PARP8: variants seen among roughly 807,000 people sequenced by gnomAD.
The protein encoded by PARP8 is protein mono-ADP-ribosyltransferase PARP8.
A neutral mutation model predicts 124.1 loss-of-function variants in PARP8; 51 were observed. The ratio of observed to expected loss-of-function variants is 0.41; its 90% CI spans 0.33 to 0.52. The LOEUF is 0.52. PARP8 is among the 20% of genes least tolerant of loss of function. The pLI, the probability that PARP8 is intolerant of heterozygous loss-of-function variation, is 0.21. For missense variants in PARP8, 860 were observed against 1,018.9 expected, an observed-to-expected ratio of 0.84 and a Z score of 2.12; for synonymous variants, 391 against 361.5, an observed-to-expected ratio of 1.08 and a Z score of -0.93.
At chr5:50,791,519 A>T (rs1361255123) in intron 10 of PARP8, among the ~76,000 whole-genome samples, 2 of 152,182 alleles carry the variant, frequency 1.3e-5, no homozygotes, top group Non-Finnish European at 2.9e-5. Flanking sequence ...TTTGGCATTG[A>T]ATGAATATTG....
chr5:50,826,773 A>C lies in PARP8; in HGVS notation c.1947A>C (p.Arg649Ser). Residue 649 changes from arginine (R) to serine (S), a missense_variant, in exon 19 of 26, where the codon AGA becomes AGC. By Grantham distance (110) the Arg-to-Ser change is moderately radical. This residue lies in a region of PARP8 where 343 missense variants were observed against 474.7 expected (regional missense o/e 0.72). Transcript: ENST00000281631. ...PLLQWVISSN[R>S]SHIVKLPVNR... is the part of the protein sequence containing the mutation. ...ATTTCAGGGTTATATCAAGTAATAG[A>C]TCACATATTGTGAAACTGCCAGTTA... is the stretch of plus-strand genomic sequence containing the variant. 6.3e-7 allele frequency: 1 copy of C among 1,589,912 alleles called. No homozygotes were observed. Among genetic ancestry groups the C allele is most frequent in the Non-Finnish European group, 8.5e-7 (1 of 1,172,328 alleles).
intron 2 of PARP8, among the ~76,000 whole-genome samples, chr5:50,730,675 T>C (rs1179274187): frequency 6.6e-6 from 1 of 152,244 alleles, no homozygotes; most frequent in Non-Finnish European, 1.5e-5. Flanking sequence ...GAATGTATTA[T>C]GTGCTAATAT....
chr5:50,796,951 T>A (rs184558955), intron 12 of PARP8, 31 bp from the exon 13 acceptor site: 13 of 1,576,910 alleles, frequency 8.2e-6, no homozygotes, highest in South Asian at 1.2e-5. Context: ...TTTAAAAAAA[T>A]TATCATTTTT....
chr5:50,716,734 A>G (rs1166026493), intron 2 of PARP8, among the ~76,000 whole-genome samples: 1 of 152,076 alleles, frequency 6.6e-6, no homozygotes, highest in African/African-American at 2.4e-5. Flanking sequence ...AATACAGTGA[A>G]TATTATCTTT....
chr5:50,668,927 C>T (rs10051561), intron 2 of PARP8: 2 of 152,132 alleles, frequency 1.3e-5, no homozygotes, highest in African/African-American at 2.4e-5. Context: ...TTAGACCAGC[C>T]CTGCTGTTAG....
intron 7 of PARP8, among the ~76,000 whole-genome samples, chr5:50,767,661 CCTG>C (rs1416683126): frequency 1.3e-5 from 2 of 152,128 alleles, no homozygotes; most frequent in Non-Finnish European, 2.9e-5. Context: ...TTTTCTCAGC[CCTG>C]TTGTTCTTTA....
rs1164495145 is a variant in PARP8 at position 50,671,325 on chromosome 5, G to A, written c.146+3200G>A. Among the ~76,000 whole-genome samples the A allele has an allele frequency of 1.2e-4, 18 of 152,290 alleles. No individual in the cohort carries two copies. In the East Asian group the frequency reaches 3.5e-3, roughly 29 times the overall value. ...GTGACAGCTACTGAGGGGATGGATA[G>A]GAAAGCAGGCTGAGTCCCTGGGGCC... On this transcript the variant is annotated intron_variant, in intron 2 of 25. Transcript: ENST00000281631.
At chr5:50,788,720 T>A (rs1382461541) in intron 10 of PARP8, 131 bp downstream of exon 10, 1 of 717,164 alleles carries the variant, frequency 1.4e-6, no homozygotes, top group Non-Finnish European at 2.3e-6. Context: ...AGAGAGGAAA[T>A]CATCATGATG....
chr5:50,798,444 A>G (rs1235004402), intron 14 of PARP8, among the ~76,000 whole-genome samples: 6 of 147,780 alleles, frequency 4.1e-5, no homozygotes, highest in African/African-American at 1.2e-4. Flanking sequence ...TTTTTGAGAC[A>G]GAGTCTCGCT....
At position 50,795,051 on chromosome 5, in the gene PARP8, G is replaced by A. The variant is rs1742376464; in HGVS notation, c.1062G>A (p.Met354Ile). ...GCGATCCCAGGGCGGAGCAGGCTAT[G>A]ACAGCAATTAAATCGCACAAACTTT... is the stretch of plus-strand genomic sequence containing the variant. ...LSSDPRAEQA[M>I]TAIKSHKLLN... Residue 354 changes from methionine (M) to isoleucine (I), a missense_variant, in exon 12 of 26, where the codon ATG (methionine) becomes ATA (isoleucine). Transcript: ENST00000281631. 1.9e-6 allele frequency: 3 copies of A among 1,614,050 alleles called. No individual in the cohort carries two copies. Among genetic ancestry groups the A allele is most frequent in the Non-Finnish European group, 2.5e-6 (3 of 1,180,036 alleles).
intron 14 of PARP8, among the ~76,000 whole-genome samples, chr5:50,813,250 G>T (rs182983269): frequency 0.067 from 10,183 of 152,110 alleles, 382 homozygotes; most frequent in Middle Eastern, 0.11. Context: ...CCATTTGTTT[G>T]TATCCTCTTT....
chr5:50,673,034 T>C (rs1214872701), intron 2 of PARP8, among the ~76,000 whole-genome samples: 3 of 152,216 alleles, frequency 2.0e-5, no homozygotes, highest in African/African-American at 4.8e-5. Context: ...AATAAAAAAT[T>C]AACATATTTC....
intron 3 of PARP8, among the ~76,000 whole-genome samples, chr5:50,756,069 G>T (rs6881500): frequency 1.6e-4 from 25 of 152,228 alleles, no homozygotes; most frequent in African/African-American, 5.8e-4. Flanking sequence ...TATCAGCTTA[G>T]GGAGATTTTG....
chr5:50,712,883 T>C (rs1754915959), intron 2 of PARP8, among the ~76,000 whole-genome samples: 1 of 152,024 alleles, frequency 6.6e-6, no homozygotes, highest in Admixed American at 6.6e-5. Context: ...AGGCTTGATT[T>C]TATTGTGTTT....
Position 50,666,790 on chromosome 5 carries a change from G to A in PARP8, c.-306G>A. 1.9e-6 allele frequency: 2 copies of A among 1,033,026 alleles called. No homozygotes were observed. The highest frequency in any genetic ancestry group is 2.5e-6 in the Non-Finnish European group (2 of 815,090). 64.0% of individuals were successfully genotyped at this position (1,033,026 alleles called of 1,614,324 possible). A position where few individuals can be genotyped will look rare whatever the true frequency, so the allele number is the denominator to read the frequency against. On this transcript the variant is annotated 5_prime_UTR_variant, in exon 1 of 26. Coordinates refer to ENST00000281631, the MANE Select transcript of PARP8 (RefSeq NM_024615.4). ...GCCGTTGGTCCGGGCGGGTGAGGGA[G>A]AAAGTGAGACTTGGTGTCATCACCA...
chr5:50,748,918 T>G (rs1427164476), intron 2 of PARP8, among the ~76,000 whole-genome samples: 2 of 152,216 alleles, frequency 1.3e-5, no homozygotes, highest in African/African-American at 4.8e-5. Flanking sequence ...TTTTCTGCAT[T>G]ATTCTTTCTT....
intron 2 of PARP8, among the ~76,000 whole-genome samples, chr5:50,701,171 T>C (rs1164629913): frequency 6.6e-6 from 1 of 152,158 alleles, no homozygotes; most frequent in Non-Finnish European, 1.5e-5. Context: ...ACAGCCTACG[T>C]TGTTGACTCC....
At chr5:50,782,767 G>T (rs1238657068) in intron 9 of PARP8, among the ~76,000 whole-genome samples, 1 of 151,618 alleles carries the variant, frequency 6.6e-6, no homozygotes, top group Non-Finnish European at 1.5e-5. Context: ...ACATCAGTTA[G>T]AATCCAATCA....
intron 15 of PARP8, among the ~76,000 whole-genome samples, chr5:50,817,468 T>C (rs1032428360): frequency 1.7e-4 from 26 of 152,180 alleles, no homozygotes; most frequent in African/African-American, 4.8e-4. Flanking sequence ...CAGGATCTCA[T>C]TGCCTCAGTT....
Sources: allele counts gnomAD v4.1 joint callset (sites outside exome capture counted in the v4.1 genomes callset), GRCh38; gene constraint gnomAD v4.1.1; regional missense constraint gnomAD v4.1.1; transcripts MANE v1.5; gene names NCBI Gene and HGNC (gene_info 2026-07-23, HGNC 2026-07-21).